Variants in AGBL1 observed in about 807,000 individuals in gnomAD.
AGBL1 encodes AGBL carboxypeptidase 1.
A neutral mutation model predicts 118.9 loss-of-function variants in AGBL1; 130 were observed. The observed-to-expected ratio is 1.09, with a 90% CI of 0.95 to 1.26. The LOEUF (loss-of-function observed/expected upper bound fraction) is 1.26. Among genes scored for constraint, AGBL1 ranks in the 50% most tolerant of loss-of-function variants. AGBL1 has a pLI of 0.00. For missense variants in AGBL1, 1,584 were observed against 1,298.1 expected (o/e 1.22, Z -3.38); for synonymous variants, 555 against 478.9 (o/e 1.16, Z -2.08).
At chr15:86,166,686 G>C (rs2077346958) in intron 5 of AGBL1, among the ~76,000 whole-genome samples, 1 of 152,192 alleles carries the variant, frequency 6.6e-6, no homozygotes, top group African/African-American at 2.4e-5. Context: ...TGATTCAGGT[G>C]TGTTGGACTG....
chr15:86,248,537 CAAA>C (rs747699745), intron 7 of AGBL1, among the ~76,000 whole-genome samples: 1 of 151,516 alleles, frequency 6.6e-6, no homozygotes, highest in Non-Finnish European at 1.5e-5. Context: ...TGAGGTTCTT[CAAA>C]AAAAAGCAGA....
intron 6 of AGBL1, among the ~76,000 whole-genome samples, chr15:86,230,234 G>T (rs974381494): frequency 6.6e-6 from 1 of 152,166 alleles, no homozygotes; most frequent in Admixed American, 6.5e-5. Context: ...ATAGTCTCAG[G>T]AGTCGTCTGC....
intron 22 of AGBL1, among the ~76,000 whole-genome samples, chr15:86,748,192 C>T (rs998751164): frequency 3.3e-5 from 5 of 152,138 alleles, no homozygotes; most frequent in Admixed American, 6.5e-5. Flanking sequence ...GAGATGGTAT[C>T]TCATTGTGAT....
chr15:86,422,978 A>T (rs1319056459), intron 18 of AGBL1, among the ~76,000 whole-genome samples: 1 of 152,214 alleles, frequency 6.6e-6, no homozygotes, highest in African/African-American at 2.4e-5. Flanking sequence ...CCAGGACTGG[A>T]CAGATTCACA....
intron 19 of AGBL1, among the ~76,000 whole-genome samples, chr15:86,542,430 G>A (rs2083515431): frequency 6.9e-6 from 1 of 144,568 alleles, no homozygotes; most frequent in South Asian, 2.2e-4. Context: ...GCAATGGCAC[G>A]ATCTCGGCTC....
chr15:86,988,308 GT>G (rs1596712328), intron 24 of AGBL1: 1 of 487,414 alleles, frequency 2.1e-6, no homozygotes, highest in Non-Finnish European at 3.6e-6. Flanking sequence ...ATTACTGGTT[GT>G]TCTGTATGCA....
chr15:86,675,829 A>G (rs980633073), intron 22 of AGBL1, among the ~76,000 whole-genome samples: 1 of 152,114 alleles, frequency 6.6e-6, no homozygotes, highest in African/African-American at 2.4e-5. Flanking sequence ...ATTGAGCAGA[A>G]CTGGCATTGC....
At chr15:86,323,652 A>G (rs2080139718) in intron 17 of AGBL1, among the ~76,000 whole-genome samples, 2 of 152,200 alleles carry the variant, frequency 1.3e-5, no homozygotes, top group Admixed American at 6.5e-5. Context: ...AAGTGGTCTT[A>G]GGGTTTAAAT....
rs144528986 is a variant in AGBL1 at position 86,807,994 on chromosome 15, A to C, written c.3159-99093A>C. Among the ~76,000 whole-genome samples, 10 of 152,182 alleles carry C rather than the reference A, an allele frequency of 6.6e-5. No individual in the cohort carries two copies. In the East Asian group the frequency reaches 1.9e-3, roughly 29 times the overall value. On this transcript the variant is annotated intron_variant, in intron 22 of 22. Transcript: ENST00000614907. ...AGCTGTGGAACATTTCAGAGCTTCT[A>C]TTTTATCATCTGTAAAGTAAGACTC...
chr15:86,290,244 G>T (rs1026982705), intron 16 of AGBL1, among the ~76,000 whole-genome samples: 23 of 151,488 alleles, frequency 1.5e-4, no homozygotes, highest in African/African-American at 5.6e-4. Context: ...TCATTTAGAT[G>T]TAAGCTTGTT....
intron 22 of AGBL1, among the ~76,000 whole-genome samples, chr15:86,807,892 A>C (rs2078740238): frequency 6.6e-6 from 1 of 152,082 alleles, no homozygotes; most frequent in Non-Finnish European, 1.5e-5. Flanking sequence ...GCTATGTTCC[A>C]CCCATTCCAC....
At chr15:86,150,863 C>T (rs1221320970) in intron 3 of AGBL1, among the ~76,000 whole-genome samples, 3 of 151,966 alleles carry the variant, frequency 2.0e-5, no homozygotes, top group Non-Finnish European at 4.4e-5. Context: ...TGCAAAAATC[C>T]TCAATGAAAT....
intron 24 of AGBL1, among the ~76,000 whole-genome samples, chr15:87,020,675 A>C (rs2081655611): frequency 6.6e-6 from 1 of 152,154 alleles, no homozygotes; most frequent in Non-Finnish European, 1.5e-5. Context: ...TAAACATGCA[A>C]AAATTGCTAG....
intron 21 of AGBL1, among the ~76,000 whole-genome samples, chr15:86,620,707 A>G (rs751917387): frequency 2.6e-5 from 4 of 152,206 alleles, no homozygotes; most frequent in Non-Finnish European, 5.9e-5. Context: ...TGACTCAGAA[A>G]TAATCTATCT....
chr15:86,401,230 A>T (rs2081439707), intron 18 of AGBL1, among the ~76,000 whole-genome samples: 1 of 151,794 alleles, frequency 6.6e-6, no homozygotes, highest in Non-Finnish European at 1.5e-5. Context: ...CATTTTTTTC[A>T]TATGTTTGTT....
chr15:86,670,601 A>G (rs867838289), intron 21 of AGBL1, among the ~76,000 whole-genome samples: 1 of 2,684 alleles, frequency 3.7e-4, no homozygotes, highest in Non-Finnish European at 1.2e-3. Flanking sequence ...TGAAACTCTG[A>G]CACACACACA....
downstream of AGBL1, among the ~76,000 whole-genome samples, chr15:86,920,731 T>C (rs1452506394): frequency 1.3e-5 from 2 of 152,202 alleles, no homozygotes; most frequent in East Asian, 1.9e-4. Flanking sequence ...GGCCAAAGTA[T>C]TGATGTAGTA....
chr15:86,789,771 A>G (rs948440605), intron 22 of AGBL1, among the ~76,000 whole-genome samples: 22 of 152,130 alleles, frequency 1.4e-4, no homozygotes, highest in African/African-American at 5.1e-4. Flanking sequence ...CACTTGACCA[A>G]GTGAGTGCTT....
intron 18 of AGBL1, among the ~76,000 whole-genome samples, chr15:86,487,069 T>G (rs775995109): frequency 6.6e-6 from 1 of 152,030 alleles, no homozygotes; most frequent in Non-Finnish European, 1.5e-5. Context: ...CCCAATATTC[T>G]CAGGTTCTAA....
Sources: allele counts gnomAD v4.1 joint callset (sites outside exome capture counted in the v4.1 genomes callset), GRCh38; gene constraint gnomAD v4.1.1; transcripts MANE v1.5; gene names NCBI Gene and HGNC (gene_info 2026-07-23, HGNC 2026-07-21).